Variants in CDH13 observed in about 807,000 individuals in gnomAD.
CDH13 encodes the protein cadherin 13.
In CDH13, 24 loss-of-function variants were observed where a neutral mutation model predicts 63.8. The ratio of observed to expected loss-of-function variants is 0.38; its 90% CI spans 0.27 to 0.53. CDH13 has a LOEUF of 0.53. CDH13 is among the 20% of genes least tolerant of loss of function. CDH13 has a pLI of 0.85. For missense variants in CDH13, 1,049 were observed against 903.1 expected (o/e 1.16, Z -2.07); for synonymous variants, 503 against 355.3 (o/e 1.42, Z -4.67).
chr16:83,150,396 T>G (rs763248155), intron 4 of CDH13, among the ~76,000 whole-genome samples: 64 of 152,324 alleles, frequency 4.2e-4, no homozygotes, highest in Non-Finnish European at 9.0e-4. Context: ...GCTATCATTA[T>G]CTCTGTCCCC....
intron 2 of CDH13, among the ~76,000 whole-genome samples, chr16:83,020,265 T>C (rs1915223344): frequency 6.6e-6 from 1 of 152,154 alleles, no homozygotes; most frequent in South Asian, 2.1e-4. Context: ...CCTTTTATTC[T>C]GGTTATTTCT....
chr16:83,030,117 C>G (rs911524922), intron 2 of CDH13, among the ~76,000 whole-genome samples: 1 of 152,138 alleles, frequency 6.6e-6, no homozygotes, highest in African/African-American at 2.4e-5. Context: ...TTTGTTCATG[C>G]AGGGGGCCCA....
intron 5 of CDH13, among the ~76,000 whole-genome samples, chr16:83,269,210 G>T (rs2088720344): frequency 6.6e-6 from 1 of 152,154 alleles, no homozygotes; most frequent in African/African-American, 2.4e-5. Context: ...AACATAGTTT[G>T]CATAATTGCA....
At chr16:82,857,458 G>A (rs1018081012) in intron 1 of CDH13, among the ~76,000 whole-genome samples, 9 of 152,136 alleles carry the variant, frequency 5.9e-5, no homozygotes, top group African/African-American at 2.2e-4. Flanking sequence ...TGGCCTTATA[G>A]CCTTTGCGTA....
At chr16:83,406,410 C>G (rs2092045421) in intron 6 of CDH13, among the ~76,000 whole-genome samples, 1 of 148,134 alleles carries the variant, frequency 6.8e-6, no homozygotes, top group Non-Finnish European at 1.5e-5. Context: ...CCCCAGCTCT[C>G]TTTCTTTCCC....
intron 6 of CDH13, among the ~76,000 whole-genome samples, chr16:83,390,373 A>T (rs2091762688): frequency 6.6e-6 from 1 of 152,176 alleles, no homozygotes; most frequent in Admixed American, 6.5e-5. Flanking sequence ...TGGAGGTGGA[A>T]CCATGTATGG....
At chr16:83,077,395 G>A (rs191903842) in intron 3 of CDH13, among the ~76,000 whole-genome samples, 34 of 151,658 alleles carry the variant, frequency 2.2e-4, no homozygotes, top group Non-Finnish European at 4.7e-4. Flanking sequence ...GTTTTGCCAT[G>A]TTGGCCAGGC....
intron 10 of CDH13, among the ~76,000 whole-genome samples, chr16:83,712,833 G>T (rs575084424): frequency 6.9e-4 from 105 of 152,314 alleles, no homozygotes; most frequent in African/African-American, 2.4e-3. Context: ...GCATAGAGGA[G>T]TATGTAAAAC....
intron 4 of CDH13, among the ~76,000 whole-genome samples, chr16:83,156,733 C>T (rs1057192465): frequency 2.2e-4 from 34 of 152,146 alleles, no homozygotes; most frequent in Admixed American, 2.6e-4. Flanking sequence ...TGCTGAAGGA[C>T]CCTCCCCCAG....
chr16:83,757,838 C>A (rs79045765), intron 11 of CDH13, among the ~76,000 whole-genome samples: 2 of 151,708 alleles, frequency 1.3e-5, no homozygotes, highest in African/African-American at 4.8e-5. Context: ...CAAAAATAAC[C>A]TAAAAAGAGG....
At chr16:83,649,231 T>A (rs1912133203) in intron 8 of CDH13, among the ~76,000 whole-genome samples, 1 of 152,256 alleles carries the variant, frequency 6.6e-6, no homozygotes. Context: ...ACCTGTTCAA[T>A]CAGACCCAAT....
chr16:82,771,031 T>C (rs918520332), intron 1 of CDH13, among the ~76,000 whole-genome samples: 5 of 152,220 alleles, frequency 3.3e-5, no homozygotes, highest in African/African-American at 1.2e-4. Context: ...TTCCAATTTT[T>C]TATGTGTATA....
In CDH13 at chr16:83,040,085, T is replaced by C. The variant is rs927668361; in HGVS notation, c.366+7867T>C. On this transcript the variant is annotated intron_variant, in intron 3 of 13. Coordinates refer to ENST00000567109, the MANE Select transcript of CDH13 (RefSeq NM_001257.5). ...CCTGAGCTGAAGGCCCTCGCTCCCA[T>C]GCAGCACACTAAGATCACTCTGGGG... Among the ~76,000 whole-genome samples the C allele has an allele frequency of 2.8e-4, 42 of 151,802 alleles. 1 individual carries two copies. The highest frequency in any genetic ancestry group is 8.7e-4 in the African/African-American group (36 of 41,434).
intron 5 of CDH13, among the ~76,000 whole-genome samples, chr16:83,326,488 A>G (rs1422430789): frequency 6.7e-6 from 1 of 149,168 alleles, no homozygotes; most frequent in East Asian, 2.0e-4. Flanking sequence ...GGAGTACAAT[A>G]TTTGTTTATG....
intron 5 of CDH13, 123 bp downstream of exon 5, chr16:83,217,620 G>A (rs1048918926): frequency 2.2e-5 from 21 of 955,916 alleles, no homozygotes; most frequent in Non-Finnish European, 3.1e-5. Flanking sequence ...GCTTTAGGGT[G>A]TTTCTGTGGG....
intron 3 of CDH13, among the ~76,000 whole-genome samples, chr16:83,101,762 C>A (rs1047747397): frequency 6.6e-6 from 1 of 152,130 alleles, no homozygotes; most frequent in Admixed American, 6.6e-5. Flanking sequence ...CCCCTGCACT[C>A]CAGCCTGGGA....
intron 2 of CDH13, among the ~76,000 whole-genome samples, chr16:83,005,185 C>G (rs770756497): frequency 1.3e-5 from 2 of 152,202 alleles, no homozygotes; most frequent in Non-Finnish European, 2.9e-5. Flanking sequence ...GACACAATTT[C>G]TGCCAGGGCT....
chr16:82,690,487 G>A (rs12932203), intron 1 of CDH13, among the ~76,000 whole-genome samples: 23,721 of 152,050 alleles, frequency 0.16, 2,080 homozygotes, highest in East Asian at 0.38. Flanking sequence ...ATCCAGAAGA[G>A]GAAGCACACA....
chr16:83,164,639 G>T (rs973068661), intron 4 of CDH13, among the ~76,000 whole-genome samples: 2 of 151,164 alleles, frequency 1.3e-5, no homozygotes, highest in African/African-American at 4.9e-5. Flanking sequence ...AGAATCGCTT[G>T]AACTTGGGAG....
Sources: allele counts gnomAD v4.1 joint callset (sites outside exome capture counted in the v4.1 genomes callset), GRCh38; gene constraint gnomAD v4.1.1; transcripts MANE v1.5; gene names NCBI Gene and HGNC (gene_info 2026-07-23, HGNC 2026-07-21).